MCTP1: variants seen among roughly 807,000 people sequenced by gnomAD.
The protein encoded by MCTP1 is multiple C2 and transmembrane domain containing 1, also known as multiple C2 and transmembrane domain-containing protein 1.
In MCTP1, 69 loss-of-function variants were observed where a neutral mutation model predicts 120.6. That is an observed-to-expected ratio of 0.57 (90% CI 0.47 to 0.70). The LOEUF (loss-of-function observed/expected upper bound fraction) is 0.70, where lower values mean the gene tolerates loss of function less well. MCTP1 is among the 30% of genes least tolerant of loss of function. MCTP1 has a pLI of 0.00. For missense variants in MCTP1, 1,203 were observed against 1,248.8 expected (o/e 0.96, Z 0.55); for synonymous variants, 529 against 493.1 (o/e 1.07, Z -0.96).
At chr5:94,811,639 A>G (rs1188616925) in intron 17 of MCTP1, among the ~76,000 whole-genome samples, 1 of 152,236 alleles carries the variant, frequency 6.6e-6, no homozygotes, top group African/African-American at 2.4e-5. Flanking sequence ...AAGCATGCGT[A>G]TCATTTGCAA....
intron 1 of MCTP1, among the ~76,000 whole-genome samples, chr5:95,057,157 T>A (rs568281216): frequency 6.6e-5 from 10 of 152,080 alleles, no homozygotes; most frequent in Admixed American, 2.6e-4. Context: ...TTATAGAGAA[T>A]GGAAACAGAG....
At chr5:95,252,814 C>T (rs1156277130) in intron 1 of MCTP1, among the ~76,000 whole-genome samples, 5 of 151,814 alleles carry the variant, frequency 3.3e-5, no homozygotes, top group African/African-American at 1.2e-4. Flanking sequence ...TTTGCTTTGA[C>T]AAAAAAAGTA....
chr5:95,010,455 T>A (rs922083604), intron 2 of MCTP1, among the ~76,000 whole-genome samples: 1 of 152,160 alleles, frequency 6.6e-6, no homozygotes, highest in South Asian at 2.1e-4. Flanking sequence ...TTCGCAAATC[T>A]CAAGTGACAT....
chr5:94,869,636 A>T (rs1245926252), intron 16 of MCTP1, among the ~76,000 whole-genome samples: 1 of 152,104 alleles, frequency 6.6e-6, no homozygotes, highest in Non-Finnish European at 1.5e-5. Context: ...GGCTTCTAAT[A>T]TTACAAAAAT....
At chr5:95,026,122 G>A (rs1029416831) in intron 1 of MCTP1, among the ~76,000 whole-genome samples, 2 of 151,888 alleles carry the variant, frequency 1.3e-5, no homozygotes, top group Admixed American at 1.3e-4. Flanking sequence ...TCTGTTAGCT[G>A]GCATGATTGA....
chr5:94,800,150 A>G (rs1047962592), intron 17 of MCTP1, among the ~76,000 whole-genome samples: 1 of 152,230 alleles, frequency 6.6e-6, no homozygotes, highest in African/African-American at 2.4e-5. Flanking sequence ...TGAGAATTAA[A>G]CACAATGCTT....
At chr5:94,849,841 A>C (rs1433706786) in intron 17 of MCTP1, among the ~76,000 whole-genome samples, 4 of 152,212 alleles carry the variant, frequency 2.6e-5, no homozygotes, top group African/African-American at 9.6e-5. Flanking sequence ...CTGCAAAAAA[A>C]AGAAGGAAAT....
intron 1 of MCTP1, among the ~76,000 whole-genome samples, chr5:95,215,644 G>A (rs1752959320): frequency 6.6e-6 from 1 of 150,390 alleles, no homozygotes; most frequent in Admixed American, 6.6e-5. Flanking sequence ...TAGCCTTTCT[G>A]CTTTTTTTCT....
At chr5:95,182,782 G>A (rs1454663137) in intron 1 of MCTP1, among the ~76,000 whole-genome samples, 1 of 152,116 alleles carries the variant, frequency 6.6e-6, no homozygotes, top group East Asian at 1.9e-4. Context: ...TTATAAAGCT[G>A]GGAGGCCGAG....
chr5:94,903,311 A>T (rs1179843435), intron 10 of MCTP1, among the ~76,000 whole-genome samples: 3 of 152,234 alleles, frequency 2.0e-5, no homozygotes, highest in African/African-American at 7.2e-5. Context: ...TGTCACAGAT[A>T]AAAAACATTC....
intron 1 of MCTP1, among the ~76,000 whole-genome samples, chr5:95,090,729 C>T (rs1324890861): frequency 6.6e-6 from 1 of 152,004 alleles, no homozygotes; most frequent in African/African-American, 2.4e-5. Flanking sequence ...CCTGAAAAAC[C>T]CAACCTAGGA....
chr5:95,167,551 C>G (rs1390583899), intron 1 of MCTP1, among the ~76,000 whole-genome samples: 2 of 152,182 alleles, frequency 1.3e-5, no homozygotes, highest in Non-Finnish European at 2.9e-5. Flanking sequence ...CCTATTTCTC[C>G]ACATCCTCTC....
intron 5 of MCTP1, among the ~76,000 whole-genome samples, chr5:94,934,740 T>TG (rs201913722): frequency 7.3e-5 from 11 of 150,450 alleles, no homozygotes; most frequent in African/African-American, 2.7e-4. Context: ...TAAAGAAGTT[T>TG]TTTTTTTTTT....
At position 94,935,746 on chromosome 5, in the gene MCTP1, G is replaced by A. The variant is rs532724986; in HGVS notation, c.1174-3755C>T. On this transcript the variant is annotated intron_variant, in intron 5 of 22. Transcript: ENST00000515393. ...ACTCCTGTAATTTTGCTCTGTGAGG[G>A]TCAATGTAAAATTTGCCTTTATTCC... 4.1e-4 allele frequency among the ~76,000 whole-genome samples: 63 copies of A among 152,116 alleles called. No individual in the cohort carries two copies. In the South Asian group the frequency reaches 5.4e-3, roughly 13 times the overall value.
intron 19 of MCTP1, among the ~76,000 whole-genome samples, chr5:94,755,800 T>TTACAGAGGCAGAGG: frequency 2.0e-5 from 3 of 152,164 alleles, no homozygotes; most frequent in African/African-American, 4.8e-5. Flanking sequence ...GCCTCTGTAA[T>TTACAGAGGCAGAGG]AACTTTGTAT....
intron 19 of MCTP1, among the ~76,000 whole-genome samples, chr5:94,755,082 ACAGTCCTCC>A (rs1769447277): frequency 6.6e-6 from 1 of 152,172 alleles, no homozygotes; most frequent in Admixed American, 6.5e-5. Context: ...ACTGGCTGTC[ACAGTCCTCC>A]CAGTCCTCCC....
intron 1 of MCTP1, chr5:95,154,328 T>C (rs1744854775): frequency 6.6e-6 from 1 of 152,228 alleles, no homozygotes; most frequent in Non-Finnish European, 1.5e-5. Flanking sequence ...TGTAGCAATA[T>C]GAAGTCTCTA....
intron 1 of MCTP1, among the ~76,000 whole-genome samples, chr5:95,105,539 T>C (rs922160369): frequency 2.6e-5 from 4 of 152,214 alleles, no homozygotes; most frequent in Non-Finnish European, 5.9e-5. Context: ...CTAGGAACTT[T>C]TGCCAAGTCC....
intron 12 of MCTP1, among the ~76,000 whole-genome samples, chr5:94,883,658 A>G (rs1204368245): frequency 6.6e-6 from 1 of 152,174 alleles, no homozygotes; most frequent in Non-Finnish European, 1.5e-5. Context: ...TTAAAGAATG[A>G]TGGTAATATC....
Sources: gnomAD v4.1 joint callset for allele counts (sites outside exome capture counted in the v4.1 genomes callset) on GRCh38, gnomAD v4.1.1 for gene constraint, MANE v1.5 for transcripts, NCBI Gene and HGNC (gene_info 2026-07-23, HGNC 2026-07-21) for gene names.